The following PADI2 variants were observed in gnomAD, a reference collection of about 807,000 sequenced individuals.
The protein encoded by PADI2 is protein-arginine deiminase type-2.
Under a neutral mutation model 81.1 loss-of-function variants are expected in PADI2, and 70 were observed. The observed-to-expected ratio is 0.86, with a 90% CI of 0.71 to 1.05. PADI2 has a LOEUF of 1.05. PADI2 is among the 50% of genes least tolerant of loss of function. The pLI is 0.00. For synonymous variants in PADI2, 338 were observed against 358.0 expected, an observed-to-expected ratio of 0.94 and a Z score of 0.63; for missense variants, 853 against 889.9, an observed-to-expected ratio of 0.96 and a Z score of 0.53.
Position 17,067,325 on chromosome 1 carries a change from CTCTGGGGCTGGAGAGA to C in PADI2, c.*1703_*1718del, listed in dbSNP as rs2078229979. 6.6e-6 allele frequency: 1 copy of C among 152,040 alleles called. No individual in the cohort carries two copies. Among genetic ancestry groups the C allele is most frequent in the Non-Finnish European group, 1.5e-5 (1 of 68,040 alleles). The allele number at this position is 152,040 out of a possible 1,614,324, so 9.4% of individuals were successfully genotyped here. Reference sequence around the variant, plus strand: ...TCAAATAGGCACTTGGTGTTTTCAGCTCTGGGGCTGGAGAGATCTGGGGCTTTGGCCTCCAAAGGCA... The same window carrying C: ...TCAAATAGGCACTTGGTGTTTTCAGCTCTGGGGCTTTGGCCTCCAAAGGCA... On this transcript the variant is annotated 3_prime_UTR_variant, in exon 16 of 16. Coordinates refer to ENST00000375486, the MANE Select transcript of PADI2 (RefSeq NM_007365.3).
At chr1:17,109,076 G>A (rs1931480864) in intron 1 of PADI2, among the ~76,000 whole-genome samples, 1 of 152,066 alleles carries the variant, frequency 6.6e-6, no homozygotes, top group Non-Finnish European at 1.5e-5. Context: ...AAAGGGGTGA[G>A]GAGGAAGGCT....
intron 13 of PADI2, among the ~76,000 whole-genome samples, chr1:17,073,056 C>T (rs566980005): frequency 2.0e-5 from 3 of 152,194 alleles, no homozygotes; most frequent in South Asian, 2.1e-4. Context: ...CAACCAGCTG[C>T]GGGAACTCAG....
rs939858437 is a variant in PADI2, at chr1:17,068,009, C to G, written c.*1035G>C. On this transcript the variant is annotated 3_prime_UTR_variant, in exon 16 of 16. Transcript: ENST00000375486. ...AACCACCCCTAAGTTGGCAGCTGAC[C>G]CAGAACTGGCTGTTGGGCTGGAGGG... The G allele has an allele frequency of 2.0e-4, 30 of 152,588 alleles. No homozygotes were observed. Among genetic ancestry groups the G allele is most frequent in the African/African-American group, 6.5e-4 (27 of 41,400 alleles). The allele number at this position is 152,588 out of a possible 1,614,324, so 9.5% of individuals were successfully genotyped here. A position where few individuals can be genotyped will look rare whatever the true frequency, so the allele number is the denominator to read the frequency against.
At chr1:17,108,169 G>A (rs569701136) in intron 1 of PADI2, among the ~76,000 whole-genome samples, 37 of 151,848 alleles carry the variant, frequency 2.4e-4, no homozygotes, top group East Asian at 1.9e-3. Context: ...GGCTGGTCTT[G>A]AACTCCTGAC....
At chr1:17,080,804 C>T (rs572538108) in intron 10 of PADI2, among the ~76,000 whole-genome samples, 3 of 152,180 alleles carry the variant, frequency 2.0e-5, no homozygotes, top group Non-Finnish European at 4.4e-5. Context: ...GGAGCTTGCA[C>T]TGGGGTTGGG....
At chr1:17,070,288 C>T in intron 14 of PADI2, 72 bp from the exon 15 acceptor site, 2 of 1,585,126 alleles carry the variant, frequency 1.3e-6, no homozygotes, top group Non-Finnish European at 1.7e-6. Context: ...AACCCCATCC[C>T]TGTCTGCAGC....
chr1:17,103,814 T>TAAAAA (rs11378857), intron 2 of PADI2, among the ~76,000 whole-genome samples: 7 of 130,770 alleles, frequency 5.4e-5, no homozygotes, highest in Non-Finnish European at 9.5e-5. Flanking sequence ...GACCTGTCTC[T>TAAAAA]AAAAAAAAAA....
chr1:17,083,669 T>C (rs2078364349), intron 9 of PADI2, 57 bp downstream of exon 9: 1 of 1,074,920 alleles, frequency 9.3e-7, no homozygotes, highest in South Asian at 1.2e-5. Context: ...TGAAGCCAAC[T>C]CTTCTTTGCT....
intron 8 of PADI2, 67 bp from the exon 9 acceptor site, chr1:17,083,904 G>A (rs2078366178): frequency 1.1e-6 from 1 of 932,848 alleles, no homozygotes; most frequent in Admixed American, 1.7e-5. Flanking sequence ...TCATCTCCCT[G>A]AGATGGTGAC....
At chr1:17,079,491 A>G (rs2078328239) in intron 10 of PADI2, 76 bp from the exon 11 acceptor site, 1 of 1,280,204 alleles carries the variant, frequency 7.8e-7, no homozygotes. Context: ...ACCCTCTTTT[A>G]TCACCTTCAG....
intron 1 of PADI2, among the ~76,000 whole-genome samples, chr1:17,106,121 T>C (rs1931366439): frequency 6.6e-6 from 1 of 152,180 alleles, no homozygotes; most frequent in African/African-American, 2.4e-5. Context: ...GTGTCTCTTG[T>C]TACAAAGATC....
intron 6 of PADI2, among the ~76,000 whole-genome samples, chr1:17,087,785 T>C (rs926736129): frequency 2.0e-5 from 3 of 152,102 alleles, no homozygotes; most frequent in Non-Finnish European, 2.9e-5. Flanking sequence ...GGATTACAGG[T>C]GTGAGCCACC....
At chr1:17,077,433 G>GC (rs890134018) in intron 11 of PADI2, among the ~76,000 whole-genome samples, 9 of 152,012 alleles carry the variant, frequency 5.9e-5, no homozygotes, top group South Asian at 4.2e-4. Flanking sequence ...GTCTTTAAGG[G>GC]CCGCCCCTGA....
At chr1:17,079,124 C>T (rs1405460725) in intron 11 of PADI2, 140 bp downstream of exon 11, 5 of 638,188 alleles carry the variant, frequency 7.8e-6, no homozygotes, top group South Asian at 4.2e-5. Context: ...CCAAGAGTGT[C>T]GGCCTCTTAA....
intron 3 of PADI2, among the ~76,000 whole-genome samples, chr1:17,097,197 G>C (rs1261269019): frequency 1.3e-5 from 2 of 152,260 alleles, no homozygotes; most frequent in Admixed American, 6.5e-5. Flanking sequence ...GGGTGGTAAT[G>C]AATGCATTCC....
chr1:17,093,093 T>C (rs1452942448), intron 5 of PADI2, among the ~76,000 whole-genome samples: 1 of 152,060 alleles, frequency 6.6e-6, no homozygotes, highest in East Asian at 1.9e-4. Context: ...CTTCTTCTTC[T>C]TCTTCTTCTT....
At chr1:17,079,017 A>G in intron 11 of PADI2, 1 of 335,214 alleles carries the variant, frequency 3.0e-6, no homozygotes, top group Non-Finnish European at 5.5e-6. Context: ...TTATAATCTC[A>G]TTATACACCT....
chr1:17,099,354 C>T (rs1372330511), intron 3 of PADI2, among the ~76,000 whole-genome samples: 1 of 152,168 alleles, frequency 6.6e-6, no homozygotes, highest in African/African-American at 2.4e-5. Flanking sequence ...ACTCCTTCCA[C>T]TGCCAGGACC....
chr1:17,102,323 C>G (rs924884572), intron 3 of PADI2, among the ~76,000 whole-genome samples: 5 of 152,192 alleles, frequency 3.3e-5, no homozygotes, highest in Non-Finnish European at 7.3e-5. Flanking sequence ...CCTGTAGAGC[C>G]AGGCTAGGCT....
Sources: allele counts gnomAD v4.1 joint callset (sites outside exome capture counted in the v4.1 genomes callset), GRCh38; gene constraint gnomAD v4.1.1; transcripts MANE v1.5; gene names NCBI Gene and HGNC (gene_info 2026-07-23, HGNC 2026-07-21).